Variants in TRPM3 observed in about 807,000 individuals in gnomAD.
TRPM3 encodes transient receptor potential cation channel subfamily M member 3, also known as long transient receptor potential channel 3.
Under a neutral mutation model 181.2 loss-of-function variants are expected in TRPM3, and 77 were observed. The observed-to-expected ratio is 0.42, with a 90% CI of 0.35 to 0.51. TRPM3 has a LOEUF of 0.51. Ranked by LOEUF, TRPM3 falls within the 20% of genes least tolerant of loss-of-function variation. The pLI, the probability that TRPM3 is intolerant of heterozygous loss-of-function variation, is 0.01. For synonymous variants in TRPM3, 745 were observed against 796.4 expected (o/e 0.94, Z 1.09); for missense variants, 1,759 against 2,196.7 (o/e 0.80, Z 3.98).
chr9:71,241,664 A>G (rs2081696185), intron 1 of TRPM3, among the ~76,000 whole-genome samples: 1 of 152,106 alleles, frequency 6.6e-6, no homozygotes, highest in Admixed American at 6.6e-5. Context: ...AAAATTCTGA[A>G]ATCTGCAACC....
intron 9 of TRPM3, among the ~76,000 whole-genome samples, chr9:70,675,866 C>T (rs777971655): frequency 6.6e-6 from 1 of 152,102 alleles, no homozygotes; most frequent in Non-Finnish European, 1.5e-5. Flanking sequence ...TTTTTGATTA[C>T]AATATGTCTC....
intron 6 of TRPM3, among the ~76,000 whole-genome samples, chr9:70,799,971 A>G (rs1554713759): frequency 6.6e-6 from 1 of 152,224 alleles, no homozygotes; most frequent in Non-Finnish European, 1.5e-5. Context: ...GATACAGTTT[A>G]CTGGGTCTCT....
At chr9:70,648,377 G>A (rs57829743) in intron 9 of TRPM3, among the ~76,000 whole-genome samples, 2,689 of 152,184 alleles carry the variant, frequency 0.018, 82 homozygotes, top group African/African-American at 0.061. Context: ...TTGGGAGGCC[G>A]AGATGGGAGG....
At chr9:70,686,702 C>CTTCT (rs2066953088) in intron 8 of TRPM3, among the ~76,000 whole-genome samples, 1 of 96,028 alleles carries the variant, frequency 1.0e-5, no homozygotes, top group Non-Finnish European at 2.1e-5. Flanking sequence ...TCCTTCCTTC[C>CTTCT]TTCCTTCCTT....
At chr9:71,278,781 G>T (rs1438274567) in intron 1 of TRPM3, among the ~76,000 whole-genome samples, 1 of 152,058 alleles carries the variant, frequency 6.6e-6, no homozygotes, top group Non-Finnish European at 1.5e-5. Context: ...GTATATGACA[G>T]AGGGTTAATG....
At chr9:70,927,706 A>C (rs1191801918) in intron 1 of TRPM3, among the ~76,000 whole-genome samples, 2 of 152,138 alleles carry the variant, frequency 1.3e-5, no homozygotes, top group Non-Finnish European at 2.9e-5. Flanking sequence ...TACCCCACAA[A>C]AGAGAGGTTT....
chr9:71,375,069 T>C (rs1319936532), intron 1 of TRPM3, among the ~76,000 whole-genome samples: 1 of 152,190 alleles, frequency 6.6e-6, no homozygotes, highest in Non-Finnish European at 1.5e-5. Context: ...AGTCACATTC[T>C]TCACAGAACT....
At chr9:70,798,045 G>A (rs2087708509) in intron 6 of TRPM3, among the ~76,000 whole-genome samples, 1 of 152,112 alleles carries the variant, frequency 6.6e-6, no homozygotes, top group South Asian at 2.1e-4. Context: ...CAGAAAAGGA[G>A]TACTATTTCT....
chr9:71,388,034 T>C (rs574552551), intron 1 of TRPM3, among the ~76,000 whole-genome samples: 1 of 152,334 alleles, frequency 6.6e-6, no homozygotes, highest in South Asian at 2.1e-4. Flanking sequence ...GTTCTTTTCC[T>C]ATCTTCAAAA....
chr9:70,855,238 G>C (rs79008518), intron 3 of TRPM3, among the ~76,000 whole-genome samples: 2,601 of 152,268 alleles, frequency 0.017, 81 homozygotes, highest in African/African-American at 0.058. Flanking sequence ...CAAACCCACA[G>C]TAGGCAAAGG....
At chr9:71,434,462 T>C (rs868076696) in intron 1 of TRPM3, among the ~76,000 whole-genome samples, 6 of 152,274 alleles carry the variant, frequency 3.9e-5, no homozygotes, top group South Asian at 4.2e-4. Flanking sequence ...TGATAAGAAA[T>C]AATTTTCTGA....
chr9:71,388,392 G>A (rs1013595541), intron 1 of TRPM3, among the ~76,000 whole-genome samples: 1 of 152,106 alleles, frequency 6.6e-6, no homozygotes, highest in Admixed American at 6.6e-5. Context: ...TGTAAAAAGT[G>A]AGAAGAAAAA....
rs534827965 is a variant in TRPM3, at chr9:71,195,812, A to T, written c.183+250841T>A. Among the ~76,000 whole-genome samples the T allele has an allele frequency of 2.6e-5, 4 of 152,234 alleles. No homozygotes were observed. In the South Asian group the frequency reaches 8.3e-4, roughly 32 times the overall value. ...ATGAGATCATGTCCTTTGCAGAAAC[A>T]TGGACAGAGCTAAGGGCCATTATCC... On this transcript the variant is annotated intron_variant, in intron 1 of 24. Coordinates refer to the TRPM3 transcript ENST00000357533.
chr9:71,337,334 A>T (rs1287508047), intron 1 of TRPM3, among the ~76,000 whole-genome samples: 1 of 152,252 alleles, frequency 6.6e-6, no homozygotes, highest in Non-Finnish European at 1.5e-5. Flanking sequence ...AAAGCTCATC[A>T]TCACTGGTCA....
chr9:70,595,638 T>C (rs566925848), intron 21 of TRPM3, among the ~76,000 whole-genome samples: 11 of 152,312 alleles, frequency 7.2e-5, no homozygotes, highest in African/African-American at 2.4e-4. Flanking sequence ...TTGTCCCCTC[T>C]GTCCAGAAAA....
chr9:71,416,942 G>C (rs183917173), intron 1 of TRPM3, among the ~76,000 whole-genome samples: 1 of 151,856 alleles, frequency 6.6e-6, no homozygotes, highest in East Asian at 1.9e-4. Context: ...ACTATTCTGT[G>C]TCTGGTTTCT....
chr9:70,644,718 C>T lies in TRPM3; in HGVS notation c.1346-4058G>A, dbSNP rs188493183. Among the ~76,000 whole-genome samples the T allele has an allele frequency of 2.6e-5, 4 of 152,204 alleles. No homozygotes were observed. The East Asian group carries it at 7.7e-4, about 29-fold the overall frequency. On this transcript the variant is annotated intron_variant, in intron 9 of 25. Coordinates refer to ENST00000677713, the MANE Select transcript of TRPM3 (RefSeq NM_001366145.2). ...GGAAGTTCTGGCCAGGGAAATCAGG[C>T]AAGAGAAAGAAATAAGGGGTATTCA...
intron 1 of TRPM3, among the ~76,000 whole-genome samples, chr9:71,061,693 T>C (rs922847001): frequency 8.5e-5 from 13 of 152,090 alleles, no homozygotes; most frequent in African/African-American, 2.9e-4. Context: ...TGTGCTGCCA[T>C]ACCTCATTGC....
At chr9:70,565,023 G>T (rs565489693) in intron 22 of TRPM3, among the ~76,000 whole-genome samples, 58 of 152,234 alleles carry the variant, frequency 3.8e-4, no homozygotes, top group African/African-American at 1.3e-3. Context: ...AGCTTTTCAC[G>T]CTTCAAGTGA....
Sources: gnomAD v4.1 joint callset for allele counts (sites outside exome capture counted in the v4.1 genomes callset) on GRCh38, gnomAD v4.1.1 for gene constraint, MANE v1.5 for transcripts, NCBI Gene and HGNC (gene_info 2026-07-23, HGNC 2026-07-21) for gene names.